PHLDB2: variants seen among roughly 807,000 people sequenced by gnomAD.
PHLDB2 encodes pleckstrin homology-like domain family B member 2.
In PHLDB2, 71 loss-of-function variants were observed where a neutral mutation model predicts 123.6. The observed-to-expected ratio is 0.57, with a 90% CI of 0.47 to 0.70. The LOEUF (loss-of-function observed/expected upper bound fraction) is 0.70, where lower values mean the gene tolerates loss of function less well. Ranked by LOEUF, PHLDB2 falls within the 30% of genes least tolerant of loss-of-function variation. The pLI, the probability that PHLDB2 is intolerant of heterozygous loss-of-function variation, is 0.00. For synonymous variants in PHLDB2, 547 were observed against 541.6 expected (o/e 1.01, Z -0.14); for missense variants, 1,446 against 1,519.5 (o/e 0.95, Z 0.80).
intron 1 of PHLDB2, among the ~76,000 whole-genome samples, chr3:111,776,923 T>A (rs2060276548): frequency 6.6e-6 from 1 of 152,126 alleles, no homozygotes; most frequent in Non-Finnish European, 1.5e-5. Context: ...TAGATTCTTA[T>A]CTCTAAGGAG....
chr3:111,957,629 G>GTA (rs2071136857), intron 12 of PHLDB2: 1 of 152,202 alleles, frequency 6.6e-6, no homozygotes, highest in African/African-American at 2.4e-5. Context: ...AAAAGGACAG[G>GTA]TATAAATAAG....
At chr3:111,864,984 A>T (rs1408095654) in intron 1 of PHLDB2, among the ~76,000 whole-genome samples, 7 of 152,234 alleles carry the variant, frequency 4.6e-5, no homozygotes, top group Non-Finnish European at 1.0e-4. Context: ...ATAGCAAAAA[A>T]GTTAAAGATT....
At chr3:111,825,189 T>G (rs75096198) in intron 1 of PHLDB2, among the ~76,000 whole-genome samples, 1 of 152,208 alleles carries the variant, frequency 6.6e-6, no homozygotes, top group African/African-American at 2.4e-5. Flanking sequence ...TACAAATCAC[T>G]GTAGGACAAT....
chr3:111,824,474 C>T (rs1158533192), intron 1 of PHLDB2, among the ~76,000 whole-genome samples: 1 of 152,188 alleles, frequency 6.6e-6, no homozygotes, highest in Non-Finnish European at 1.5e-5. Context: ...AATAACTTTT[C>T]CCACTGTTGG....
chr3:111,817,247 A>C (rs1351968140), intron 1 of PHLDB2, among the ~76,000 whole-genome samples: 1 of 152,072 alleles, frequency 6.6e-6, no homozygotes, highest in Non-Finnish European at 1.5e-5. Flanking sequence ...ACTATGCCCC[A>C]CCTCCCAATA....
intron 1 of PHLDB2, among the ~76,000 whole-genome samples, chr3:111,789,521 A>G (rs1162964141): frequency 6.6e-6 from 1 of 152,260 alleles, no homozygotes; most frequent in African/African-American, 2.4e-5. Flanking sequence ...GAAGCCATGT[A>G]CTATAGTGAA....
At chr3:111,952,456 A>T in intron 10 of PHLDB2, 116 bp from the exon 11 acceptor site, 1 of 1,169,798 alleles carries the variant, frequency 8.5e-7, no homozygotes, top group Non-Finnish European at 1.2e-6. Context: ...GAATAACTTT[A>T]AGAAAAATTC....
chr3:111,790,503 T>C (rs1186485680), intron 1 of PHLDB2, among the ~76,000 whole-genome samples: 3 of 152,158 alleles, frequency 2.0e-5, no homozygotes, highest in Non-Finnish European at 2.9e-5. Flanking sequence ...TAGGAGTTGC[T>C]CAGTAGGTTG....
At chr3:111,827,425 C>T (rs2062711599) in intron 1 of PHLDB2, among the ~76,000 whole-genome samples, 1 of 152,140 alleles carries the variant, frequency 6.6e-6, no homozygotes, top group Non-Finnish European at 1.5e-5. Context: ...CCTGTAATCC[C>T]AGCACTTTGG....
At chr3:111,780,399 A>AGAAGAAGAAGAAGAAGAAGGAGAAGAAG (rs1553726797) in intron 1 of PHLDB2, among the ~76,000 whole-genome samples, 1 of 74,364 alleles carries the variant, frequency 1.3e-5, no homozygotes, top group East Asian at 4.3e-4. Flanking sequence ...AAGAAGAAGA[A>AGAAGAAGAAGAAGAAGAAGGAGAAGAAG]GAAGAAGAAG....
chr3:111,859,185 G>T, upstream of PHLDB2: 1 of 985,222 alleles, frequency 1.0e-6, no homozygotes, highest in Non-Finnish European at 1.2e-6. Context: ...TCGCTGTCTG[G>T]TGAGGAAATC....
intron 1 of PHLDB2, among the ~76,000 whole-genome samples, chr3:111,752,745 C>T (rs1344954344): frequency 6.6e-6 from 1 of 151,478 alleles, no homozygotes; most frequent in Non-Finnish European, 1.5e-5. Flanking sequence ...TGTGCTGCAC[C>T]CATTAACTCC....
intron 1 of PHLDB2, among the ~76,000 whole-genome samples, chr3:111,752,726 C>A (rs1488132483): frequency 6.6e-6 from 1 of 151,744 alleles, no homozygotes; most frequent in Non-Finnish European, 1.5e-5. Flanking sequence ...TATACATGCG[C>A]CATGCTGGTG....
At chr3:111,966,527 G>GGGGTGT (rs869085197) in intron 13 of PHLDB2, 86 bp from the exon 14 acceptor site, 32 of 618,454 alleles carry the variant, frequency 5.2e-5, no homozygotes, top group South Asian at 1.3e-4. Context: ...GTGTGTCTGG[G>GGGGTGT]GTGTGTGTGT....
intron 2 of PHLDB2, chr3:111,885,627 T>G (rs1457933942): frequency 1.4e-6 from 1 of 728,126 alleles, no homozygotes; most frequent in East Asian, 2.7e-5. Flanking sequence ...CAGGAATTAA[T>G]GTTAATTTAG....
At chr3:111,876,141 T>C (rs2107282094) in intron 1 of PHLDB2, among the ~76,000 whole-genome samples, 1 of 152,302 alleles carries the variant, frequency 6.6e-6, no homozygotes, top group East Asian at 1.9e-4. Context: ...GAGGCTACCA[T>C]GGAAATGCTA....
chr3:111,966,524 TGG>T (rs766446456), intron 13 of PHLDB2, 87 bp from the exon 14 acceptor site: 1 of 501,550 alleles, frequency 2.0e-6, no homozygotes, highest in Non-Finnish European at 3.3e-6. Context: ...TGTGTGTGTC[TGG>T]GGTGTGTGTG....
chr3:111,787,802 T>C (rs1298487822), intron 1 of PHLDB2, among the ~76,000 whole-genome samples: 2 of 152,204 alleles, frequency 1.3e-5, no homozygotes, highest in South Asian at 2.1e-4. Flanking sequence ...CAATCTATTC[T>C]GGGGTGAATC....
chr3:111,966,925 T>C (rs2071809849), intron 14 of PHLDB2, among the ~76,000 whole-genome samples: 1 of 152,122 alleles, frequency 6.6e-6, no homozygotes, highest in Non-Finnish European at 1.5e-5. Flanking sequence ...ATATATAGTA[T>C]TGACATAGAC....
Sources: allele counts gnomAD v4.1 joint callset (sites outside exome capture counted in the v4.1 genomes callset), GRCh38; gene constraint gnomAD v4.1.1; transcripts MANE v1.5; gene names NCBI Gene and HGNC (gene_info 2026-07-23, HGNC 2026-07-21).